Variants in PLAAT3 observed in about 807,000 individuals in gnomAD.
PLAAT3 encodes phospholipase A and acyltransferase 3.
PLAAT3 carries 21 observed loss-of-function variants against 16.7 expected under a neutral mutation model. The observed-to-expected ratio is 1.26, with a 90% confidence interval of 0.89 to 1.81. The LOEUF (loss-of-function observed/expected upper bound fraction) is 1.81. PLAAT3 is among the 40% of genes most tolerant of loss of function. PLAAT3 has a pLI of 0.00. For synonymous variants in PLAAT3, 76 were observed against 81.7 expected (o/e 0.93, Z 0.38); for missense variants, 219 against 213.7 (o/e 1.02, Z -0.16).
chr11:63,615,060 A>G (rs1182629779), upstream of PLAAT3, among the ~76,000 whole-genome samples: 4 of 10,488 alleles, frequency 3.8e-4, no homozygotes, highest in Non-Finnish European at 8.4e-4. Flanking sequence ...ATGTGTATAT[A>G]TATGTGTGTA....
rs555207931 is a variant in PLAAT3, at chr11:63,607,445, T to G, written c.15+6555A>C. Among the ~76,000 whole-genome samples the G allele has an allele frequency of 3.7e-4, 56 of 152,086 alleles. 1 individual carries two copies. The highest frequency in any genetic ancestry group is 3.1e-3 in the Admixed American group (48 of 15,268). On this transcript the variant is annotated intron_variant, in intron 2 of 4. Transcript: ENST00000415826. ...AGGAGGCTGAGGCTGGAGGATCACTTGAGCCAAGAGTTCAAGGCCAGCCTG... is the reference window on the plus strand; with the variant it reads ...AGGAGGCTGAGGCTGGAGGATCACTGGAGCCAAGAGTTCAAGGCCAGCCTG...
chr11:63,608,768 A>G (rs1286563873), intron 2 of PLAAT3, among the ~76,000 whole-genome samples: 6 of 152,128 alleles, frequency 3.9e-5, no homozygotes, highest in Non-Finnish European at 8.8e-5. Flanking sequence ...TTAAATCAAG[A>G]TGAATTTAAT....
In PLAAT3 at chr11:63,607,007, A is replaced by G. The variant is rs572244530; in HGVS notation, c.15+6993T>C. 3.8e-4 allele frequency among the ~76,000 whole-genome samples: 58 copies of G among 152,230 alleles called. 1 individual carries two copies. In the South Asian group the frequency reaches 0.01, roughly 27 times the overall value. ...TGCAAGGAGGAGGCGGGAGCCTGCT[A>G]GGAGGCAACTGCAGAGAGGGGGGAT... On this transcript the variant is annotated intron_variant, in intron 2 of 4. Transcript: ENST00000415826.
chr11:63,579,282 A>G (rs1054878443), intron 4 of PLAAT3, among the ~76,000 whole-genome samples: 2 of 152,232 alleles, frequency 1.3e-5, no homozygotes, highest in Non-Finnish European at 2.9e-5. Context: ...GTGGGACTGT[A>G]AACCAGTTCA....
At chr11:63,577,208 G>C (rs978558280) in intron 4 of PLAAT3, among the ~76,000 whole-genome samples, 2 of 147,964 alleles carry the variant, frequency 1.4e-5, no homozygotes, top group African/African-American at 5.0e-5. Context: ...GTTTGCTCTT[G>C]TTGCCCAGGC....
intron 4 of PLAAT3, among the ~76,000 whole-genome samples, chr11:63,577,475 AG>A (rs1288020819): frequency 6.6e-6 from 1 of 152,066 alleles, no homozygotes; most frequent in African/African-American, 2.4e-5. Context: ...CAGCCAGGCA[AG>A]TGTACTTTTA....
intron 4 of PLAAT3, among the ~76,000 whole-genome samples, chr11:63,577,550 CA>C (rs34229495): frequency 1.5e-4 from 22 of 147,906 alleles, no homozygotes; most frequent in South Asian, 6.4e-4. Context: ...AAGACAGAGA[CA>C]AAAAAAAAAT....
intron 2 of PLAAT3, among the ~76,000 whole-genome samples, chr11:63,602,818 C>T (rs912188403): frequency 1.3e-5 from 2 of 152,116 alleles, no homozygotes; most frequent in African/African-American, 4.8e-5. Context: ...GATGGCCAGG[C>T]GCAGCGGCTC....
At chr11:63,615,108 G>GTGTATATA (rs1938813111), upstream of PLAAT3, among the ~76,000 whole-genome samples, 2 of 63,240 alleles carry the variant, frequency 3.2e-5, 1 homozygote, top group African/African-American at 1.2e-4. Flanking sequence ...GTGTATATAT[G>GTGTATATA]TGTGTATATA....
chr11:63,595,602 T>TG (rs112432490), intron 3 of PLAAT3, among the ~76,000 whole-genome samples: 9 of 152,104 alleles, frequency 5.9e-5, no homozygotes, highest in African/African-American at 1.9e-4. Context: ...GGGCGAGGCG[T>TG]GGGGAGGCAT....
At chr11:63,584,974 TTCTGATATGTACTAAATCTATCATC>T (rs986287260) in intron 4 of PLAAT3, among the ~76,000 whole-genome samples, 9 of 152,132 alleles carry the variant, frequency 5.9e-5, no homozygotes, top group African/African-American at 1.7e-4. Flanking sequence ...GGTGGACATT[TTCTGATATGTACTAAATCTATCATC>T]TCTAGCAAGA....
chr11:63,604,029 G>A lies in PLAAT3; in HGVS notation c.16-5866C>T, dbSNP rs1329830710. On this transcript the variant is annotated intron_variant, in intron 2 of 4. Coordinates refer to ENST00000415826, the MANE Select transcript of PLAAT3 (RefSeq NM_001128203.2). ...TAGCTGGGCATAGTGGCACATGCCT[G>A]GAGTCCCAGCCACTCGAGAAGCTGA... is the stretch of plus-strand genomic sequence containing the variant. 2.0e-5 allele frequency among the ~76,000 whole-genome samples: 3 copies of A among 152,148 alleles called. No individual in the cohort carries two copies. The East Asian group carries it at 5.8e-4, about 29-fold the overall frequency.
At chr11:63,588,931 G>C (rs1338633893) in intron 4 of PLAAT3, among the ~76,000 whole-genome samples, 1 of 145,698 alleles carries the variant, frequency 6.9e-6, no homozygotes, top group Non-Finnish European at 1.5e-5. Context: ...CATTCAAGTG[G>C]CTGTGGCCCA....
chr11:63,587,363 A>G (rs1938008613), intron 4 of PLAAT3, among the ~76,000 whole-genome samples: 1 of 152,162 alleles, frequency 6.6e-6, no homozygotes, highest in African/African-American at 2.4e-5. Context: ...AAATCAGAAC[A>G]GCTTCAGACT....
At chr11:63,579,001 A>G (rs1440662020) in intron 4 of PLAAT3, among the ~76,000 whole-genome samples, 2 of 152,244 alleles carry the variant, frequency 1.3e-5, no homozygotes, top group Non-Finnish European at 2.9e-5. Context: ...TCCAGAATCT[A>G]CAATGAACTC....
At chr11:63,598,280 T>A in intron 2 of PLAAT3, 117 bp from the exon 3 acceptor site, 1 of 692,866 alleles carries the variant, frequency 1.4e-6, no homozygotes, top group South Asian at 1.7e-5. Context: ...AGAACATATG[T>A]CCTGAGCCCT....
chr11:63,597,994 C>A, intron 3 of PLAAT3, 67 bp downstream of exon 3: 3 of 1,041,064 alleles, frequency 2.9e-6, no homozygotes, highest in Non-Finnish European at 4.5e-6. Context: ...CTGTTACCCA[C>A]AGTTCCCCAT....
intron 4 of PLAAT3, among the ~76,000 whole-genome samples, 153 bp downstream of exon 4, chr11:63,589,935 CTCCCCACCCTTG>C (rs910999154): frequency 1.5e-4 from 18 of 119,928 alleles, no homozygotes; most frequent in African/African-American, 4.5e-4. Context: ...ACTTGCCTCT[CTCCCCACCCTTG>C]TCCCCACCCT....
At chr11:63,583,078 C>T (rs750686211) in intron 4 of PLAAT3, among the ~76,000 whole-genome samples, 7 of 151,562 alleles carry the variant, frequency 4.6e-5, no homozygotes, top group East Asian at 1.9e-4. Context: ...TGCAGTGAGC[C>T]GAGATCACAC....
Sources: allele counts gnomAD v4.1 joint callset (sites outside exome capture counted in the v4.1 genomes callset), GRCh38; gene constraint gnomAD v4.1.1; transcripts MANE v1.5; gene names NCBI Gene and HGNC (gene_info 2026-07-23, HGNC 2026-07-21).